Variants in LRBA observed in about 807,000 individuals in gnomAD.
LRBA encodes lipopolysaccharide-responsive and beige-like anchor protein.
A neutral mutation model predicts 330.0 loss-of-function variants in LRBA; 176 were observed. The ratio of observed to expected loss-of-function variants is 0.53; its 90% CI spans 0.47 to 0.60. The LOEUF (loss-of-function observed/expected upper bound fraction) is 0.60, where lower values mean the gene tolerates loss of function less well. Among genes scored for constraint, LRBA ranks in the 20% least tolerant of loss-of-function variants. The pLI is 0.00. For missense variants in LRBA, 3,259 were observed against 3,444.8 expected (o/e 0.95, Z 1.35); for synonymous variants, 1,230 against 1,193.0 (o/e 1.03, Z -0.64).
At chr4:150,716,066 T>C (rs1728162316) in intron 36 of LRBA, among the ~76,000 whole-genome samples, 1 of 152,138 alleles carries the variant, frequency 6.6e-6, no homozygotes, top group African/African-American at 2.4e-5. Context: ...TGGTTAAGAT[T>C]TAAGAAGTGG....
intron 2 of LRBA, among the ~76,000 whole-genome samples, chr4:150,977,893 A>C (rs1226593840): frequency 6.6e-6 from 1 of 152,228 alleles, no homozygotes; most frequent in East Asian, 1.9e-4. Context: ...TCAGATTTCT[A>C]AGAGTTTTTA....
intron 46 of LRBA, among the ~76,000 whole-genome samples, chr4:150,425,305 A>AT (rs1461646352): frequency 2.0e-5 from 3 of 152,358 alleles, no homozygotes; most frequent in African/African-American, 7.2e-5. Context: ...GTGGAAAATG[A>AT]TAAGTAAACA....
intron 40 of LRBA, among the ~76,000 whole-genome samples, chr4:150,503,363 G>C (rs1217699422): frequency 1.3e-5 from 2 of 152,160 alleles, no homozygotes; most frequent in Non-Finnish European, 1.5e-5. Flanking sequence ...AACTTCCAGA[G>C]GAACGATCAG....
At chr4:150,294,395 T>G (rs1241782256) in intron 53 of LRBA, among the ~76,000 whole-genome samples, 1 of 152,118 alleles carries the variant, frequency 6.6e-6, no homozygotes, top group Non-Finnish European at 1.5e-5. Flanking sequence ...ACTGCCTGAG[T>G]TTAAATCTAG....
chr4:150,470,411 CT>C (rs1265214183), intron 43 of LRBA, among the ~76,000 whole-genome samples: 1 of 152,060 alleles, frequency 6.6e-6, no homozygotes, highest in African/African-American at 2.4e-5. Flanking sequence ...TTCCTTCTCT[CT>C]TCTCATATGC....
chr4:150,856,524 T>G (rs979208637), intron 22 of LRBA, among the ~76,000 whole-genome samples: 4 of 152,224 alleles, frequency 2.6e-5, no homozygotes, highest in African/African-American at 9.6e-5. Context: ...TCATACTTGA[T>G]TAATAGTCAG....
intron 17 of LRBA, 89 bp from the exon 18 acceptor site, chr4:150,872,844 A>G: frequency 3.6e-6 from 2 of 562,858 alleles, no homozygotes; most frequent in South Asian, 6.0e-5. Context: ...ATTATTATAA[A>G]TCTATTTCAA....
chr4:150,841,285 C>A (rs1441832075), intron 28 of LRBA, among the ~76,000 whole-genome samples: 1 of 152,176 alleles, frequency 6.6e-6, no homozygotes, highest in Non-Finnish European at 1.5e-5. Context: ...TCAATGTTTA[C>A]TAACTACCAC....
chr4:150,471,117 T>C (rs903969457), intron 43 of LRBA, among the ~76,000 whole-genome samples: 3 of 152,204 alleles, frequency 2.0e-5, no homozygotes, highest in Non-Finnish European at 1.5e-5. Context: ...ATATACTTCA[T>C]GCACACAAAA....
rs545090124 is a variant in LRBA at position 150,884,783 on chromosome 4, A to C, written c.2165+8269T>G. Among the ~76,000 whole-genome samples, 3 of 152,292 alleles carry C rather than the reference A, an allele frequency of 2.0e-5. No homozygotes were observed. In the East Asian group the frequency reaches 5.8e-4, roughly 29 times the overall value. The stretch of plus-strand genomic sequence containing the variant: ...CAAAAATTACTATATATGCAAAAAA[A>C]CAAAAAAGAGTATAACCCATAATCA... On this transcript the variant is annotated intron_variant, in intron 17 of 56. Transcript: ENST00000651943.
At chr4:150,703,983 T>C (rs116013041) in intron 36 of LRBA, among the ~76,000 whole-genome samples, 1,644 of 152,122 alleles carry the variant, frequency 0.011, 20 homozygotes, top group South Asian at 0.025. Context: ...GGTGGGAAGA[T>C]CACTTGAGTC....
At chr4:150,512,914 G>C (rs1202063135) in intron 40 of LRBA, among the ~76,000 whole-genome samples, 1 of 152,094 alleles carries the variant, frequency 6.6e-6, no homozygotes, top group Admixed American at 6.6e-5. Context: ...AAATGTGATA[G>C]ATGAACACAA....
At position 150,583,104 on chromosome 4, in the gene LRBA, G is replaced by A. The variant is rs1384453291; in HGVS notation, c.6330+4944C>T. 7 of 1,614,038 alleles carry A rather than the reference G, an allele frequency of 4.3e-6. No homozygotes were observed. The highest frequency in any genetic ancestry group is 1.3e-5 in the African/African-American group (1 of 74,944). On this transcript the variant is annotated intron_variant, in intron 40 of 56. Transcript: ENST00000651943. The surrounding 1 kb of genome is among the most constrained non-coding windows in gnomAD (Gnocchi z 9.8). ...CTGAGCGCTGTCAGGCGCGCAAGGC[G>A]GCCATCGCCAAAACCATCCGAGAGG...
chr4:150,563,634 C>G (rs574816755), intron 40 of LRBA, among the ~76,000 whole-genome samples: 4 of 152,132 alleles, frequency 2.6e-5, no homozygotes, highest in Admixed American at 1.3e-4. Flanking sequence ...TGTAGAAAAC[C>G]CCATCATATC....
intron 37 of LRBA, among the ~76,000 whole-genome samples, chr4:150,625,892 T>C (rs778341664): frequency 2.6e-4 from 40 of 151,912 alleles, no homozygotes; most frequent in Middle Eastern, 6.9e-3. Flanking sequence ...GTATTTTTAG[T>C]AGAGACAGGG....
At chr4:150,618,848 GTATATATA>G (rs34589903) in intron 37 of LRBA, among the ~76,000 whole-genome samples, 32 of 146,224 alleles carry the variant, frequency 2.2e-4, no homozygotes, top group South Asian at 6.5e-4. Flanking sequence ...ATGTGTGTAT[GTATATATA>G]TATATATATA....
intron 36 of LRBA, among the ~76,000 whole-genome samples, chr4:150,730,943 G>C (rs1247062720): frequency 1.3e-5 from 2 of 152,100 alleles, no homozygotes; most frequent in Non-Finnish European, 2.9e-5. Context: ...GCCTGAACCA[G>C]GGCAGTGGAG....
intron 36 of LRBA, among the ~76,000 whole-genome samples, chr4:150,729,522 T>A (rs911739978): frequency 1.6e-4 from 25 of 152,158 alleles, no homozygotes; most frequent in African/African-American, 4.6e-4. Context: ...GGAAGGATAT[T>A]CTATGTTTAT....
At chr4:150,514,548 C>T (rs1762144671) in intron 40 of LRBA, among the ~76,000 whole-genome samples, 1 of 152,106 alleles carries the variant, frequency 6.6e-6, no homozygotes, top group Non-Finnish European at 1.5e-5. Flanking sequence ...CAGCTATGAC[C>T]AGGGATAGCT....
Sources: allele counts gnomAD v4.1 joint callset (sites outside exome capture counted in the v4.1 genomes callset), GRCh38; gene constraint gnomAD v4.1.1; non-coding constraint Gnocchi (gnomAD v3.1); transcripts MANE v1.5; gene names NCBI Gene and HGNC (gene_info 2026-07-23, HGNC 2026-07-21).